Variants in ARHGAP24 observed in about 807,000 individuals in gnomAD.
The protein encoded by ARHGAP24 is Rho GTPase activating protein 24.
ARHGAP24 carries 50 observed loss-of-function variants against 76.4 expected under a neutral mutation model. The ratio of observed to expected loss-of-function variants is 0.65; its 90% confidence interval spans 0.52 to 0.83. ARHGAP24 has a LOEUF of 0.83. Among genes scored for constraint, ARHGAP24 ranks in the 40% least tolerant of loss-of-function variants. ARHGAP24 has a pLI of 0.00. For synonymous variants in ARHGAP24, 345 were observed against 323.3 expected, an observed-to-expected ratio of 1.07 and a Z score of -0.72; for missense variants, 930 against 914.2, an observed-to-expected ratio of 1.02 and a Z score of -0.22.
chr4:85,778,500 A>G (rs1329455822), intron 3 of ARHGAP24, among the ~76,000 whole-genome samples: 2 of 152,196 alleles, frequency 1.3e-5, no homozygotes, highest in East Asian at 1.9e-4. Context: ...ACCTTATACA[A>G]ATCATATTTT....
In ARHGAP24 at chr4:85,977,667, G is replaced by A. The variant is rs1739421416; in HGVS notation, c.904G>A (p.Glu302Lys). 2 of 1,613,756 alleles carry A rather than the reference G, an allele frequency of 1.2e-6. No individual in the cohort carries two copies. The highest frequency in any genetic ancestry group is 1.1e-5 in the South Asian group (1 of 91,088). ...TCCTAATATCCTGCGCCCCAAAGTG[G>A]AAGATCCTTTGACTATCATGGAGGG... is the stretch of plus-strand genomic sequence containing the variant. ...FGPNILRPKVEDPLTIMEGTV... is the reference protein window; with the variant it reads ...FGPNILRPKVKDPLTIMEGTV... Residue 302 changes from glutamate to lysine, a missense_variant, in exon 8 of 10, where the codon GAA (glutamate) becomes AAA (lysine). Transcript: ENST00000395184.
chr4:85,619,205 CATTT>C (rs1560555230), intron 2 of ARHGAP24, among the ~76,000 whole-genome samples: 1 of 151,798 alleles, frequency 6.6e-6, no homozygotes, highest in Non-Finnish European at 1.5e-5. Context: ...TTCCAAAAAA[CATTT>C]ATTTAAGAGA....
intron 3 of ARHGAP24, among the ~76,000 whole-genome samples, chr4:85,824,681 A>C (rs1316687425): frequency 6.6e-6 from 1 of 152,216 alleles, no homozygotes; most frequent in Non-Finnish European, 1.5e-5. Flanking sequence ...CGGATCTTAA[A>C]ATCCAAGAGG....
At chr4:85,879,622 C>T (rs1179648002) in intron 3 of ARHGAP24, among the ~76,000 whole-genome samples, 1 of 151,940 alleles carries the variant, frequency 6.6e-6, no homozygotes, top group Non-Finnish European at 1.5e-5. Context: ...AGTTTATGCA[C>T]TAGTCCTCCC....
intron 1 of ARHGAP24, among the ~76,000 whole-genome samples, chr4:85,523,756 A>G (rs1353147767): frequency 1.3e-5 from 2 of 152,136 alleles, no homozygotes; most frequent in East Asian, 1.9e-4. Flanking sequence ...TTAGCTTACA[A>G]ATAAATGCCT....
At chr4:85,873,253 G>C (rs952278914) in intron 3 of ARHGAP24, among the ~76,000 whole-genome samples, 6 of 152,080 alleles carry the variant, frequency 3.9e-5, no homozygotes, top group Non-Finnish European at 5.9e-5. Flanking sequence ...TCTGCAAATG[G>C]GATTATGTAC....
At chr4:85,875,121 ATT>A (rs1732812360) in intron 3 of ARHGAP24, among the ~76,000 whole-genome samples, 5 of 42,640 alleles carry the variant, frequency 1.2e-4, no homozygotes, top group African/African-American at 4.2e-4. Context: ...TATATAATAT[ATT>A]TATCTTATAT....
chr4:85,737,015 C>T (rs73833410), intron 3 of ARHGAP24, among the ~76,000 whole-genome samples: 3,151 of 152,170 alleles, frequency 0.021, 91 homozygotes, highest in African/African-American at 0.069. Flanking sequence ...TGTCATCTTT[C>T]CCCTAGTTGA....
At chr4:85,832,342 GGTAT>G (rs1363757269) in intron 3 of ARHGAP24, among the ~76,000 whole-genome samples, 1 of 152,146 alleles carries the variant, frequency 6.6e-6, no homozygotes, top group Non-Finnish European at 1.5e-5. Context: ...AGGTGGTTGA[GGTAT>G]GGGCTCTGGA....
chr4:85,627,135 G>A (rs891125505), intron 2 of ARHGAP24, among the ~76,000 whole-genome samples: 1 of 152,162 alleles, frequency 6.6e-6, no homozygotes, highest in Non-Finnish European at 1.5e-5. Context: ...TTCCTTTGGA[G>A]GAGGAGAGGC....
chr4:85,833,876 A>G lies in ARHGAP24; in HGVS notation c.269-89772A>G, dbSNP rs567697668. 9.8e-5 allele frequency among the ~76,000 whole-genome samples: 15 copies of G among 152,330 alleles called. No homozygotes were observed. In the East Asian group the frequency reaches 2.7e-3, roughly 27 times the overall value. Reference sequence around the variant, plus strand: ...ACAAAAGTGATTTTAAATATCAGAAATATTTTACATTAGTTAAGAACACAG... The same window carrying G: ...ACAAAAGTGATTTTAAATATCAGAAGTATTTTACATTAGTTAAGAACACAG... On this transcript the variant is annotated intron_variant, in intron 3 of 9. Coordinates refer to ENST00000395184, the MANE Select transcript of ARHGAP24 (RefSeq NM_001025616.3).
rs1285459997 is a variant in ARHGAP24 at position 85,586,364 on chromosome 4, A to G, written c.180+15643A>G. On this transcript the variant is annotated intron_variant, in intron 2 of 9. Transcript: ENST00000395184. ...CAGCTTTGGCCCAAAGCCTGCATCA[A>G]TAATAAAGTGTTTGGGAGCTTGTTT... 2.6e-5 allele frequency among the ~76,000 whole-genome samples: 4 copies of G among 152,340 alleles called. No homozygotes were observed. The East Asian group carries it at 5.8e-4, about 22-fold the overall frequency.
chr4:85,593,902 G>A (rs544302635), intron 2 of ARHGAP24, among the ~76,000 whole-genome samples: 21 of 152,142 alleles, frequency 1.4e-4, no homozygotes, highest in South Asian at 4.1e-4. Context: ...TTCCAGTTTT[G>A]TTCTTTGTGC....
intron 2 of ARHGAP24, 71 bp downstream of exon 2, chr4:85,570,792 G>C: frequency 6.5e-7 from 1 of 1,549,238 alleles, no homozygotes; most frequent in Non-Finnish European, 8.8e-7. Context: ...GCTAGAAACC[G>C]ATTGGGACTG....
intron 3 of ARHGAP24, among the ~76,000 whole-genome samples, chr4:85,745,899 C>T (rs1403397934): frequency 6.6e-6 from 1 of 152,180 alleles, no homozygotes; most frequent in Non-Finnish European, 1.5e-5. Context: ...CAGCATGATG[C>T]TAGGTACTAT....
intron 3 of ARHGAP24, among the ~76,000 whole-genome samples, chr4:85,886,048 C>A (rs1020583095): frequency 6.6e-6 from 1 of 152,080 alleles, no homozygotes; most frequent in Non-Finnish European, 1.5e-5. Flanking sequence ...AATTTTGAAA[C>A]ATCTCATGAA....
intron 3 of ARHGAP24, among the ~76,000 whole-genome samples, chr4:85,749,006 T>G (rs1420667193): frequency 1.3e-5 from 2 of 152,156 alleles, no homozygotes; most frequent in African/African-American, 2.4e-5. Context: ...ATGTTACACC[T>G]CTAGTCATAC....
At chr4:85,643,313 C>T (rs1721600966) in intron 2 of ARHGAP24, among the ~76,000 whole-genome samples, 1 of 97,876 alleles carries the variant, frequency 1.0e-5, no homozygotes. Flanking sequence ...CTGCGGACTG[C>T]AGTGGCGCAA....
chr4:85,505,144 GC>G (rs1281992834), intron 1 of ARHGAP24, among the ~76,000 whole-genome samples: 2 of 152,118 alleles, frequency 1.3e-5, no homozygotes, highest in Non-Finnish European at 2.9e-5. Context: ...CTCTCTGGCT[GC>G]CCTTAACATT....
Sources: gnomAD v4.1 joint callset for allele counts (sites outside exome capture counted in the v4.1 genomes callset) on GRCh38, gnomAD v4.1.1 for gene constraint, MANE v1.5 for transcripts, NCBI Gene and HGNC (gene_info 2026-07-23, HGNC 2026-07-21) for gene names.